The following NUDCD3 variants were observed in gnomAD, a reference collection of about 807,000 sequenced individuals.
NUDCD3 encodes NudC domain containing 3.
In NUDCD3, 13 loss-of-function variants were observed where a neutral mutation model predicts 39.7. The ratio of observed to expected loss-of-function variants is 0.33; its 90% CI spans 0.21 to 0.52. NUDCD3 has a LOEUF of 0.52. NUDCD3 is among the 20% of genes least tolerant of loss of function. The pLI is 0.96. For synonymous variants in NUDCD3, 175 were observed against 172.4 expected, an observed-to-expected ratio of 1.02 and a Z score of -0.12; for missense variants, 453 against 458.1, an observed-to-expected ratio of 0.99 and a Z score of 0.10.
At chr7:44,405,565 G>C (rs1401420743) in intron 3 of NUDCD3, among the ~76,000 whole-genome samples, 1 of 152,010 alleles carries the variant, frequency 6.6e-6, no homozygotes, top group Non-Finnish European at 1.5e-5. Context: ...TTTTCTAATA[G>C]GTATGTGGAA....
intron 2 of NUDCD3, among the ~76,000 whole-genome samples, chr7:44,458,262 A>G (rs530891860): frequency 6.7e-4 from 102 of 152,348 alleles, no homozygotes; most frequent in African/African-American, 2.3e-3. Context: ...CAGAATTGGC[A>G]AATCTACAAA....
chr7:44,402,633 GT>G (rs759079630), intron 4 of NUDCD3: 23 of 456,552 alleles, frequency 5.0e-5, no homozygotes, highest in South Asian at 3.6e-4. Context: ...CACACACGGG[GT>G]TGCTCACCAA....
At chr7:44,406,663 G>C (rs1033649204) in intron 3 of NUDCD3, among the ~76,000 whole-genome samples, 3 of 152,200 alleles carry the variant, frequency 2.0e-5, no homozygotes, top group African/African-American at 7.2e-5. Flanking sequence ...GACAAGAAAT[G>C]CTTCCAGAGG....
At position 44,427,161 on chromosome 7, in the gene NUDCD3, CAGA is replaced by C. The variant is rs1316823314; in HGVS notation, c.642+407_642+409del. Among the ~76,000 whole-genome samples, 3 of 152,282 alleles carry C rather than the reference CAGA, an allele frequency of 2.0e-5. No homozygotes were observed. The East Asian group carries it at 5.8e-4, about 29-fold the overall frequency. On this transcript the variant is annotated intron_variant, in intron 3 of 5. Coordinates refer to ENST00000355451, the MANE Select transcript of NUDCD3 (RefSeq NM_015332.4). Reference sequence around the variant, plus strand: ...GGACTTTTCTTAGGGAAACTGAAGGCAGATTTAATCTTTAGGAAAAAAGAGAAT... The same window carrying C: ...GGACTTTTCTTAGGGAAACTGAAGGCTTTAATCTTTAGGAAAAAAGAGAAT...
chr7:44,489,182 T>A (rs1213667391), intron 1 of NUDCD3, among the ~76,000 whole-genome samples: 1 of 152,220 alleles, frequency 6.6e-6, no homozygotes, highest in Non-Finnish European at 1.5e-5. Flanking sequence ...ACTTGAAACT[T>A]ATCTGTTTCA....
intron 5 of NUDCD3, among the ~76,000 whole-genome samples, chr7:44,389,720 G>T (rs903670057): frequency 2.6e-5 from 4 of 152,174 alleles, no homozygotes; most frequent in African/African-American, 9.7e-5. Flanking sequence ...CCCAATAGAG[G>T]GGTGAGACTA....
intron 3 of NUDCD3, 53 bp downstream of exon 3, chr7:44,427,518 A>T (rs1799259647): frequency 2.5e-6 from 4 of 1,576,376 alleles, no homozygotes; most frequent in African/African-American, 2.7e-5. Flanking sequence ...TCCCTGCAAC[A>T]GCTTTGACTG....
chr7:44,468,238 A>G, intron 2 of NUDCD3: 1 of 1,597,478 alleles, frequency 6.3e-7, no homozygotes, highest in Non-Finnish European at 8.5e-7. Flanking sequence ...TCGTGGAAAC[A>G]GCTGCCCAAC....
At chr7:44,461,457 T>C (rs911121886) in intron 2 of NUDCD3, among the ~76,000 whole-genome samples, 5 of 152,036 alleles carry the variant, frequency 3.3e-5, no homozygotes, top group African/African-American at 1.2e-4. Context: ...CAGTGTGATC[T>C]GCAACAGGAA....
At chr7:44,437,075 T>C (rs1477666233) in intron 2 of NUDCD3, among the ~76,000 whole-genome samples, 1 of 147,246 alleles carries the variant, frequency 6.8e-6, no homozygotes. Flanking sequence ...TTTTCTTTTT[T>C]TTTTTTTTTT....
intron 2 of NUDCD3, among the ~76,000 whole-genome samples, chr7:44,434,217 C>T (rs780391014): frequency 4.6e-5 from 7 of 152,156 alleles, no homozygotes; most frequent in Admixed American, 3.9e-4. Context: ...AAAAATGACT[C>T]GATGCCTGGA....
rs1452693584 is a variant in NUDCD3, at chr7:44,384,016, G to C, written c.*1995C>G. 2.6e-5 allele frequency: 4 copies of C among 152,286 alleles called. No individual in the cohort carries two copies. The highest frequency in any genetic ancestry group is 9.6e-5 in the African/African-American group (4 of 41,460). 9.4% of individuals were successfully genotyped at this position (152,286 alleles called of 1,614,324 possible). A position where few individuals can be genotyped will look rare whatever the true frequency, so the allele number is the denominator to read the frequency against. ...TATTGGTTTGCTGTTTATTAAAGCA[G>C]GGCAGGGAGTGGGGAGAAATGCAAC... On this transcript the variant is annotated 3_prime_UTR_variant, in exon 6 of 6. Coordinates refer to ENST00000355451, the MANE Select transcript of NUDCD3 (RefSeq NM_015332.4).
At chr7:44,393,476 TACAG>T (rs1170251110) in intron 4 of NUDCD3, among the ~76,000 whole-genome samples, 2 of 152,170 alleles carry the variant, frequency 1.3e-5, no homozygotes, top group African/African-American at 4.8e-5. Context: ...TCAGTGGTCA[TACAG>T]ACACAGAAAA....
chr7:44,442,179 A>G (rs1799597792), intron 2 of NUDCD3, among the ~76,000 whole-genome samples: 1 of 152,248 alleles, frequency 6.6e-6, no homozygotes, highest in South Asian at 2.1e-4. Flanking sequence ...GATGTAGATT[A>G]TTAATACAAA....
At chr7:44,455,676 G>A (rs950149082) in intron 2 of NUDCD3, among the ~76,000 whole-genome samples, 1 of 152,180 alleles carries the variant, frequency 6.6e-6, no homozygotes, top group South Asian at 2.1e-4. Flanking sequence ...GTAAGAACAC[G>A]TGTAAGAGCA....
chr7:44,443,880 T>G (rs1382121382), intron 2 of NUDCD3, among the ~76,000 whole-genome samples: 1 of 152,128 alleles, frequency 6.6e-6, no homozygotes, highest in Non-Finnish European at 1.5e-5. Flanking sequence ...GTAAAGTCAG[T>G]CTTCTTTATG....
intron 4 of NUDCD3, among the ~76,000 whole-genome samples, chr7:44,396,118 TG>T (rs1440372478): frequency 1.5e-4 from 23 of 151,750 alleles, no homozygotes; most frequent in Non-Finnish European, 3.2e-4. Context: ...TGTGTGTGTG[TG>T]TGTGTGTTTA....
At chr7:44,457,690 T>C (rs753222719) in intron 2 of NUDCD3, among the ~76,000 whole-genome samples, 9 of 152,224 alleles carry the variant, frequency 5.9e-5, no homozygotes, top group Non-Finnish European at 1.2e-4. Flanking sequence ...GTTAAAGAGT[T>C]TGAATAGTTA....
At chr7:44,439,621 G>C (rs565142909) in intron 2 of NUDCD3, among the ~76,000 whole-genome samples, 25 of 151,658 alleles carry the variant, frequency 1.6e-4, no homozygotes, top group East Asian at 9.7e-4. Flanking sequence ...AGTTGGGGAG[G>C]GGGTAGGGGG....
Sources: allele counts gnomAD v4.1 joint callset (sites outside exome capture counted in the v4.1 genomes callset), GRCh38; gene constraint gnomAD v4.1.1; transcripts MANE v1.5; gene names NCBI Gene and HGNC (gene_info 2026-07-23, HGNC 2026-07-21).